DLEC1: variants seen among roughly 807,000 people sequenced by gnomAD.
DLEC1 encodes DLEC1 cilia and flagella associated protein.
Under a neutral mutation model 198.1 loss-of-function variants are expected in DLEC1, and 146 were observed. That is an observed-to-expected ratio of 0.74 (90% confidence interval 0.64 to 0.85). DLEC1 has a LOEUF of 0.85. DLEC1 is among the 40% of genes least tolerant of loss of function. The probability of loss-of-function intolerance (pLI) is 0.00; values close to 1 mark genes in which losing one functional copy is unlikely to be tolerated. For missense variants in DLEC1, 2,233 were observed against 2,220.0 expected (o/e 1.01, Z -0.12); for synonymous variants, 897 against 866.8 (o/e 1.03, Z -0.61).
intron 13 of DLEC1, 104 bp downstream of exon 13, chr3:38,095,175 G>A: frequency 7.0e-7 from 1 of 1,429,642 alleles, no homozygotes; most frequent in Non-Finnish European, 9.6e-7. Flanking sequence ...GGCCCACCGA[G>A]GTGCTATCCT....
chr3:38,100,525 CTATT>C, intron 19 of DLEC1, 100 bp downstream of exon 19: 1 of 1,353,190 alleles, frequency 7.4e-7, no homozygotes, highest in South Asian at 2.0e-5. Flanking sequence ...GGATTTAAAA[CTATT>C]GAATCCAGAA....
In DLEC1 at chr3:38,116,530, C is replaced by T. The variant is rs746404799; in HGVS notation, c.3934C>T (p.Pro1312Ser). The T allele has an allele frequency of 1.2e-6, 2 of 1,614,084 alleles. No homozygotes were observed. The highest frequency in any genetic ancestry group is 1.7e-5 in the Admixed American group (1 of 60,022). The change falls in exon 28 of 37, where the codon CCA (proline) becomes TCA (serine). Residue 1312 changes from proline (P) to serine (S), a missense_variant. Transcript: ENST00000308059. ...RLVELLVFYG[P>S]PFPLRDQAGN... is the part of the protein sequence containing the mutation. ...GGTGGAGCTGCTGGTGTTTTATGGGCCACCTTTCCCGCTGCGGGACCAAGC... is the reference window on the plus strand; with the variant it reads ...GGTGGAGCTGCTGGTGTTTTATGGGTCACCTTTCCCGCTGCGGGACCAAGC...
chr3:38,050,805 T>C (rs1006673980), intron 2 of DLEC1, among the ~76,000 whole-genome samples: 14 of 152,354 alleles, frequency 9.2e-5, no homozygotes, highest in African/African-American at 3.1e-4. Context: ...TTGATATACA[T>C]AGATTAGTTT....
Position 38,118,027 on chromosome 3 carries a change from C to A in DLEC1, c.4704+3C>A. 2 of 1,590,424 alleles carry A rather than the reference C, an allele frequency of 1.3e-6. No homozygotes were observed. Among genetic ancestry groups the A allele is most frequent in the South Asian group, 2.2e-5 (2 of 88,996 alleles). Reference sequence around the variant, plus strand: ...TCCAAGCACAGGAGAACATGCTGGTCAGTGGGGGAGTCTGCAGCCCTTGCC... The same window carrying A: ...TCCAAGCACAGGAGAACATGCTGGTAAGTGGGGGAGTCTGCAGCCCTTGCC... On this transcript the variant is annotated splice_donor_region_variant and intron_variant, in intron 33 of 36. Coordinates refer to ENST00000308059, the MANE Select transcript of DLEC1 (RefSeq NM_007335.4).
intron 34 of DLEC1, 129 bp from the exon 35 acceptor site, chr3:38,121,499 T>G: frequency 8.9e-6 from 11 of 1,234,336 alleles, no homozygotes; most frequent in Non-Finnish European, 1.2e-5. Flanking sequence ...GCTGGTCCCC[T>G]GCCAACTTCT....
chr3:38,087,618 A>C (rs1303676296), intron 9 of DLEC1, among the ~76,000 whole-genome samples: 1 of 152,230 alleles, frequency 6.6e-6, no homozygotes, highest in African/African-American at 2.4e-5. Context: ...CACTGACACC[A>C]TCCATTAGCA....
At position 38,120,552 on chromosome 3, in the gene DLEC1, G is replaced by A. The variant is rs1302446341; in HGVS notation, c.4809G>A (p.Glu1603=). 6.2e-7 allele frequency: 1 copy of A among 1,614,194 alleles called. No homozygotes were observed. The highest frequency in any genetic ancestry group is 1.7e-5 in the Admixed American group (1 of 60,038). Residue 1603 remains glutamate, a synonymous_variant, in exon 34 of 37, where the codon GAG becomes GAA. Transcript: ENST00000308059. The stretch of plus-strand genomic sequence containing the variant: ...ACATTCAGCAGAGTGCGAGTGGAGA[G>A]AGAGAGATGGTGTTTACTCAGAACC... ...GVDIQQSASG[E]REMVFTQNLL...
At chr3:38,111,810 G>T in intron 24 of DLEC1, 63 bp downstream of exon 24, 1 of 1,563,120 alleles carries the variant, frequency 6.4e-7, no homozygotes, top group Non-Finnish European at 8.6e-7. Context: ...GCCTTCTGTG[G>T]ATGTGGGCTG....
intron 7 of DLEC1, 46 bp downstream of exon 7, chr3:38,084,291 G>C: frequency 1.3e-6 from 2 of 1,537,862 alleles, no homozygotes; most frequent in South Asian, 2.2e-5. Flanking sequence ...GGTAATAGTA[G>C]TGGTGGTATT....
At chr3:38,100,469 T>C in intron 19 of DLEC1, 44 bp downstream of exon 19, 1 of 1,560,446 alleles carries the variant, frequency 6.4e-7, no homozygotes, top group Non-Finnish European at 8.7e-7. Context: ...ACTATGCATA[T>C]TCGTGATGTA....
intron 6 of DLEC1, among the ~76,000 whole-genome samples, chr3:38,070,703 G>T (rs564260876): frequency 1.3e-5 from 2 of 152,288 alleles, no homozygotes; most frequent in African/African-American, 4.8e-5. Flanking sequence ...GAGTCGCAAG[G>T]TGCTCAGTGG....
At chr3:38,110,803 C>CACACATGCATACACACATACATAT (rs1330815337) in intron 23 of DLEC1, among the ~76,000 whole-genome samples, 1 of 151,994 alleles carries the variant, frequency 6.6e-6, no homozygotes, top group African/African-American at 2.4e-5. Context: ...TACATATACA[C>CACACATGCATACACACATACATAT]ACACATGCAT....
chr3:38,116,738 T>G lies in DLEC1; in HGVS notation c.4063-35T>G, dbSNP rs764818935. 5.6e-6 allele frequency: 9 copies of G among 1,607,888 alleles called. No homozygotes were observed. In the African/African-American group the frequency reaches 1.1e-4, roughly 19 times the overall value. ...GGCCAGTAGGCTAGTTGAACCTCAGTGACTGCGTGAACCTCAGTGATTCCT... is the reference window on the plus strand; with the variant it reads ...GGCCAGTAGGCTAGTTGAACCTCAGGGACTGCGTGAACCTCAGTGATTCCT... On this transcript the variant is annotated intron_variant, in intron 28 of 36. Transcript: ENST00000308059.
chr3:38,098,945 C>T (rs1699170168), intron 18 of DLEC1, among the ~76,000 whole-genome samples: 1 of 152,192 alleles, frequency 6.6e-6, no homozygotes, highest in Admixed American at 6.5e-5. Context: ...ATCCATCTCC[C>T]ACCATGGATC....
chr3:38,097,166 C>T lies in DLEC1; in HGVS notation c.2341-16C>T, dbSNP rs1225272256. 6.4e-7 allele frequency: 1 copy of T among 1,557,596 alleles called. No individual in the cohort carries two copies. The highest frequency in any genetic ancestry group is 8.7e-7 in the Non-Finnish European group (1 of 1,149,626). On this transcript the variant is annotated splice_polypyrimidine_tract_variant and intron_variant, in intron 15 of 36. Transcript: ENST00000308059. Reference sequence around the variant, plus strand: ...AGGGGCAGTAAATGGGCAGCCTGGTCTCGGGTGTCTTTCAGATGTGGAACA... The same window carrying T: ...AGGGGCAGTAAATGGGCAGCCTGGTTTCGGGTGTCTTTCAGATGTGGAACA...
At chr3:38,096,829 T>G (rs1575194706) in intron 15 of DLEC1, 92 bp downstream of exon 15, 1 of 1,410,930 alleles carries the variant, frequency 7.1e-7, no homozygotes, top group Non-Finnish European at 9.5e-7. Flanking sequence ...GGGCAGATGG[T>G]AGCAGCCACT....
chr3:38,108,497 G>T lies in DLEC1; in HGVS notation c.3111G>T (p.Glu1037Asp), dbSNP rs778899488. The T allele has an allele frequency of 6.2e-7, 1 of 1,614,102 alleles. No individual in the cohort carries two copies. The highest frequency in any genetic ancestry group is 8.5e-7 in the Non-Finnish European group (1 of 1,180,000). The change falls in exon 21 of 37, where the codon GAG becomes GAT. Residue 1037 changes from glutamate (E) to aspartate (D), a missense_variant. Glu to Asp is a conservative substitution (Grantham distance 45, BLOSUM62 2). Transcript: ENST00000308059. ...GTGAGGAGTGCCAGCTCAAGTTGGA[G>T]TTGACTGCTCATACCCAGGTGAGTA... ...GPSEECQLKL[E>D]LTAHTQEELT...
intron 4 of DLEC1, 89 bp from the exon 5 acceptor site, chr3:38,062,492 G>A: frequency 6.4e-7 from 1 of 1,572,416 alleles, no homozygotes; most frequent in Non-Finnish European, 8.7e-7. Flanking sequence ...GCTTGTGTTG[G>A]CCATCTATGG....
intron 6 of DLEC1, among the ~76,000 whole-genome samples, chr3:38,073,756 T>C (rs1697452714): frequency 6.6e-6 from 1 of 151,930 alleles, no homozygotes; most frequent in African/African-American, 2.4e-5. Context: ...CCTACAACAG[T>C]TATTGGGGCT....
Sources: gnomAD v4.1 joint callset for allele counts (sites outside exome capture counted in the v4.1 genomes callset) on GRCh38, gnomAD v4.1.1 for gene constraint, MANE v1.5 for transcripts, NCBI Gene and HGNC (gene_info 2026-07-23, HGNC 2026-07-21) for gene names.